LAMA4: variants seen among roughly 807,000 people sequenced by gnomAD.
The protein encoded by LAMA4 is laminin subunit alpha 4, also known as laminin subunit alpha-4.
LAMA4 carries 127 observed loss-of-function variants against 207.1 expected under a neutral mutation model. The ratio of observed to expected loss-of-function variants is 0.61; its 90% CI spans 0.53 to 0.71. The LOEUF is 0.71. Ranked by LOEUF, LAMA4 falls within the 30% of genes least tolerant of loss-of-function variation. The pLI, the probability that LAMA4 is intolerant of heterozygous loss-of-function variation, is 0.00. For synonymous variants in LAMA4, 761 were observed against 816.0 expected, an observed-to-expected ratio of 0.93 and a Z score of 1.15; for missense variants, 2,093 against 2,246.5, an observed-to-expected ratio of 0.93 and a Z score of 1.38.
chr6:112,213,532 T>G (rs34072237), intron 3 of LAMA4: 4,424 of 152,396 alleles, frequency 0.029, 96 homozygotes, highest in Middle Eastern at 0.11. Context: ...GGAAAGACAC[T>G]CAAAACATAG....
Position 112,175,484 on chromosome 6 carries a change from A to T in LAMA4, c.1190-4T>A, listed in dbSNP as rs1781970688. On this transcript the variant is annotated splice_region_variant and splice_polypyrimidine_tract_variant and intron_variant, in intron 10 of 38. Coordinates refer to ENST00000230538, the MANE Select transcript of LAMA4 (RefSeq NM_001105206.3). ...TAGAGCATCTTGTTGTTGATCTCTG[A>T]AAGGAAGAACATGGTGAAACAAGGC... 1 of 1,613,954 alleles carries T rather than the reference A, an allele frequency of 6.2e-7. No individual in the cohort carries two copies. Among genetic ancestry groups the T allele is most frequent in the South Asian group, 1.1e-5 (1 of 91,086 alleles).
In LAMA4 at chr6:112,129,879, G is replaced by T; in HGVS notation, c.4130C>A (p.Thr1377Asn). 6.3e-7 allele frequency: 1 copy of T among 1,587,048 alleles called. No homozygotes were observed. Among genetic ancestry groups the T allele is most frequent in the Non-Finnish European group, 8.6e-7 (1 of 1,163,124 alleles). The change falls in exon 30 of 39, where the codon ACC (threonine) becomes AAC (asparagine). Residue 1377 changes from threonine (T) to asparagine (N), a missense_variant. Physicochemically the swap from Thr to Asn is moderately conservative, Grantham distance 65. Around this residue, in one of 3 missense-constraint regions of LAMA4, gnomAD observed 1,704 missense variants for 1,788.4 expected, o/e 0.95. Transcript: ENST00000230538. ...ATTAATAATAAAAATATTATACCTG[G>T]TAAAGTAGGCATTACTTATGCAGCC... ...FTGCISNAYFTRVDRDVEVED... is the reference protein window; with the variant it reads ...FTGCISNAYFNRVDRDVEVED...
At chr6:112,207,215 C>G in intron 3 of LAMA4, 70 bp from the exon 4 acceptor site, 1 of 1,555,164 alleles carries the variant, frequency 6.4e-7, no homozygotes, top group Non-Finnish European at 8.8e-7. Flanking sequence ...ATCTAAGCAT[C>G]ATGCAATACT....
intron 9 of LAMA4, among the ~76,000 whole-genome samples, chr6:112,181,797 C>T (rs985067091): frequency 2.0e-5 from 3 of 152,116 alleles, no homozygotes; most frequent in Non-Finnish European, 4.4e-5. Context: ...TACCTAGCAC[C>T]TAGCACACTA....
At chr6:112,245,164 G>A (rs1786818212) in intron 2 of LAMA4, among the ~76,000 whole-genome samples, 1 of 152,152 alleles carries the variant, frequency 6.6e-6, no homozygotes, top group South Asian at 2.1e-4. Context: ...TTGTCAAATT[G>A]TATCACTGTT....
At chr6:112,122,597 C>T (rs1583646730) in intron 31 of LAMA4, among the ~76,000 whole-genome samples, 2 of 152,268 alleles carry the variant, frequency 1.3e-5, no homozygotes, top group Admixed American at 6.5e-5. Flanking sequence ...ATTAATGTTA[C>T]TTTAATACAC....
intron 28 of LAMA4, 41 bp downstream of exon 28, chr6:112,132,712 T>C (rs374480160): frequency 1.3e-6 from 2 of 1,590,048 alleles, no homozygotes; most frequent in Non-Finnish European, 1.7e-6. Flanking sequence ...GGCAAAACAA[T>C]TATCACAAAG....
chr6:112,154,901 CT>C lies in LAMA4; in HGVS notation c.2005del (p.Ser669ValfsTer34), dbSNP rs1554336530. On this transcript the variant is annotated frameshift_variant, in exon 16 of 39. Coordinates refer to ENST00000230538, the MANE Select transcript of LAMA4 (RefSeq NM_001105206.3). LOFTEE classifies it high-confidence loss of function. ...DTQIIYHKDE[S>X]ENLLNQAREL... ...TCTGGCTTGATTGAGGAGGTTCTCA[CT>C]TTCATCTTTATGGTAAATGATTTGA... 1 of 1,613,578 alleles carries C rather than the reference CT, an allele frequency of 6.2e-7. No homozygotes were observed. The highest frequency in any genetic ancestry group is 8.5e-7 in the Non-Finnish European group (1 of 1,179,568).
At chr6:112,193,644 A>G (rs1023652417) in intron 5 of LAMA4, among the ~76,000 whole-genome samples, 1 of 152,142 alleles carries the variant, frequency 6.6e-6, no homozygotes, top group East Asian at 1.9e-4. Flanking sequence ...AGCTTCATCT[A>G]TGTGAGTTTA....
rs533396947 is a variant in LAMA4, at chr6:112,249,881, A to G, written c.195+4075T>C. 3.9e-5 allele frequency among the ~76,000 whole-genome samples: 6 copies of G among 152,340 alleles called. 1 individual carries two copies. In the South Asian group the frequency reaches 1.2e-3, roughly 32 times the overall value. ...TGTGCCCTACTGGTCTAGCACAGGA[A>G]TAATACTTTTTTCACATTACCTCCA... On this transcript the variant is annotated intron_variant, in intron 2 of 38. Transcript: ENST00000230538.
At chr6:112,205,969 C>T (rs782067917) in intron 4 of LAMA4, among the ~76,000 whole-genome samples, 1 of 152,198 alleles carries the variant, frequency 6.6e-6, no homozygotes, top group Non-Finnish European at 1.5e-5. Flanking sequence ...GAGCATGGTG[C>T]TCCAGCAGAG....
At chr6:112,186,853 G>A (rs139921655) in intron 8 of LAMA4, 3 of 454,952 alleles carry the variant, frequency 6.6e-6, no homozygotes, top group Admixed American at 2.4e-5. Flanking sequence ...TACTGTTTTT[G>A]TTTTTTAATC....
chr6:112,109,532 T>C lies in LAMA4; in HGVS notation c.5377A>G (p.Ile1793Val), dbSNP rs782046133. The C allele has an allele frequency of 3.1e-6, 5 of 1,614,106 alleles. No homozygotes were observed. In the Admixed American group the frequency reaches 8.3e-5, roughly 27 times the overall value. The stretch of plus-strand genomic sequence containing the variant: ...TGTCCATCAATCACAAAGTGGCGTA[T>C]GCAGCCTGTGAAGGGTTTGCTGGGG... ...LAPSKPFTGC[I>V]RHFVIDGHPV... Residue 1793 changes from isoleucine to valine, a missense_variant, in exon 39 of 39, where the codon ATA (isoleucine) becomes GTA (valine). Physicochemically the swap from Ile to Val is conservative, Grantham distance 29. This residue lies in a region of LAMA4 where 383 missense variants were observed against 437.8 expected (regional missense o/e 0.87). Coordinates refer to ENST00000230538, the MANE Select transcript of LAMA4 (RefSeq NM_001105206.3).
At chr6:112,121,910 G>T in intron 32 of LAMA4, 104 bp downstream of exon 32, 1 of 939,636 alleles carries the variant, frequency 1.1e-6, no homozygotes, top group Non-Finnish European at 1.8e-6. Flanking sequence ...ATAGGATTAA[G>T]GTGGCACAGA....
In LAMA4 at chr6:112,175,315, T is replaced by C. The variant is rs782274344; in HGVS notation, c.1355A>G (p.Glu452Gly). Reference protein sequence around the residue: ...LVDEEADEAYELLSQAESWQR... With the variant: ...LVDEEADEAYGLLSQAESWQR... ...AGCTATGAGAGGAATACACCTACGT[T>C]CGTAAGCCTCATCTGCCTCCTCATC... Residue 452 changes from glutamate to glycine, a missense_variant and splice_region_variant, in exon 11 of 39, where the codon GAA becomes GGA. Physicochemically the swap from Glu to Gly is moderately conservative, Grantham distance 98. Transcript: ENST00000230538. 1.2e-6 allele frequency: 2 copies of C among 1,613,824 alleles called. No homozygotes were observed. The highest frequency in any genetic ancestry group is 2.7e-5 in the African/African-American group (2 of 74,936).
rs112407332 is a variant in LAMA4, at chr6:112,185,404, T to C, written c.967-57A>G. On this transcript the variant is annotated intron_variant, in intron 8 of 38. Transcript: ENST00000230538. ...TGGGCACACCAGGTTTTAAAAAATGTACATAAAACTCTTTCAGTGTAAGAG... is the reference window on the plus strand; with the variant it reads ...TGGGCACACCAGGTTTTAAAAAATGCACATAAAACTCTTTCAGTGTAAGAG... 9.3e-4 allele frequency: 920 copies of C among 987,888 alleles called. 8 individuals carry two copies. In the African/African-American group the frequency reaches 0.013, roughly 14 times the overall value. 61.2% of individuals were successfully genotyped at this position (987,888 alleles called of 1,614,324 possible). A position where few individuals can be genotyped will look rare whatever the true frequency, so the allele number is the denominator to read the frequency against.
chr6:112,181,213 A>T (rs2114910934), intron 9 of LAMA4, among the ~76,000 whole-genome samples: 1 of 152,260 alleles, frequency 6.6e-6, no homozygotes, highest in Non-Finnish European at 1.5e-5. Context: ...TCTTCTCTAG[A>T]CCACTGTGGC....
At position 112,117,816 on chromosome 6, in the gene LAMA4, A is replaced by T; in HGVS notation, c.4904T>A (p.Phe1635Tyr). 5.6e-6 allele frequency: 9 copies of T among 1,613,800 alleles called. No individual in the cohort carries two copies. The highest frequency in any genetic ancestry group is 7.6e-6 in the Non-Finnish European group (9 of 1,179,750). Reference sequence around the variant, plus strand: ...GCCTTCAAAGCAAGGGGTCACACTGAATGTCTGAGAAGCAGAGGTGATGGA... The same window carrying T: ...GCCTTCAAAGCAAGGGGTCACACTGTATGTCTGAGAAGCAGAGGTGATGGA... ...GASITSASQT[F>Y]SVTPCFEGPM... The change falls in exon 35 of 39, where the codon TTC becomes TAC. Residue 1635 changes from phenylalanine to tyrosine, a missense_variant. Phe to Tyr is a conservative substitution (Grantham distance 22, BLOSUM62 3). Transcript: ENST00000230538. This position sits in a 1 kb window ranked among gnomAD's most constrained non-coding sequence, Gnocchi z 4.5.
chr6:112,216,647 A>C, intron 2 of LAMA4, 178 bp from the exon 3 acceptor site: 1 of 629,736 alleles, frequency 1.6e-6, no homozygotes, highest in South Asian at 1.8e-5. Flanking sequence ...ATTCAGTGAT[A>C]GATGATGTAT....
Sources: gnomAD v4.1 joint callset for allele counts (sites outside exome capture counted in the v4.1 genomes callset) on GRCh38, gnomAD v4.1.1 for gene constraint, gnomAD v4.1.1 regional missense constraint, Gnocchi (gnomAD v3.1) non-coding constraint, MANE v1.5 for transcripts, NCBI Gene and HGNC (gene_info 2026-07-23, HGNC 2026-07-21) for gene names.